The following WDR53 variants were observed in gnomAD, a reference collection of about 807,000 sequenced individuals.
The protein encoded by WDR53 is WD repeat domain 53, also known as WD repeat-containing protein 53.
WDR53 carries 19 observed loss-of-function variants against 21.3 expected under a neutral mutation model. The observed-to-expected ratio is 0.89, with a 90% confidence interval of 0.62 to 1.31. WDR53 has a LOEUF of 1.31. Among genes scored for constraint, WDR53 ranks in the 50% most tolerant of loss-of-function variants. The pLI is 0.00. For missense variants in WDR53, 374 were observed against 423.2 expected (o/e 0.88, Z 1.02); for synonymous variants, 157 against 163.4 (o/e 0.96, Z 0.30).
chr3:196,561,267 G>A lies in WDR53; in HGVS notation c.209C>T (p.Ser70Leu), dbSNP rs760512865. The A allele has an allele frequency of 1.2e-6, 2 of 1,614,210 alleles. No homozygotes were observed. The highest frequency in any genetic ancestry group is 1.7e-6 in the Non-Finnish European group (2 of 1,180,048). Residue 70 changes from serine to leucine, a missense_variant, in exon 3 of 4, where the codon TCA (serine) becomes TTA (leucine). Transcript: ENST00000332629. ...CAGTACACTAATGGTTTCTCCATGT[G>A]AGGCATAGAGCTTGGTGGGACAGGA... is the stretch of plus-strand genomic sequence containing the variant. Reference protein sequence around the residue: ...SPSCPTKLYASHGETISVLDV... With the variant: ...SPSCPTKLYALHGETISVLDV...
At chr3:196,567,628 T>C (rs1295978266) in intron 1 of WDR53, among the ~76,000 whole-genome samples, 1 of 152,188 alleles carries the variant, frequency 6.6e-6, no homozygotes, top group Non-Finnish European at 1.5e-5. Context: ...ATACAGTGCC[T>C]GGTTCACACC....
chr3:196,555,215 T>C (rs7374776), intron 3 of WDR53, among the ~76,000 whole-genome samples: 132,764 of 152,238 alleles, frequency 0.87, 58,345 homozygotes, highest in East Asian at 0.98. Context: ...TGGACTATCA[T>C]TGAAATGCTT....
chr3:196,565,556 G>C (rs1286969949), intron 2 of WDR53, among the ~76,000 whole-genome samples: 1 of 148,246 alleles, frequency 6.7e-6, no homozygotes, highest in Non-Finnish European at 1.5e-5. Flanking sequence ...TGAGAGTCGG[G>C]GTGAGGGGGC....
Position 196,567,006 on chromosome 3 carries a change from A to G in WDR53, c.-146T>C, listed in dbSNP as rs1577585572. 1 of 335,556 alleles carries G rather than the reference A, an allele frequency of 3.0e-6. No individual in the cohort carries two copies. Among genetic ancestry groups the G allele is most frequent in the Non-Finnish European group, 6.0e-6 (1 of 166,950 alleles). The allele number at this position is 335,556 out of a possible 1,614,324, so 20.8% of individuals were successfully genotyped here. On this transcript the variant is annotated 5_prime_UTR_variant, in exon 2 of 4. Coordinates refer to ENST00000332629, the MANE Select transcript of WDR53 (RefSeq NM_182627.3). ...TCTGCCTCGGCTGCACTGAGACACG[A>G]TAAAGGCCAGTCTTTAAAAACTGAG...
chr3:196,560,887 A>C, intron 3 of WDR53, 109 bp downstream of exon 3: 1 of 1,339,280 alleles, frequency 7.5e-7, no homozygotes, highest in Non-Finnish European at 1.0e-6. Context: ...ATAAATGGAT[A>C]TGTTAGTAGA....
intron 2 of WDR53, among the ~76,000 whole-genome samples, chr3:196,564,018 CTT>C (rs1433572562): frequency 2.0e-5 from 3 of 151,956 alleles, no homozygotes; most frequent in Non-Finnish European, 2.9e-5. Context: ...CAAAATTAAA[CTT>C]TTGTTTTCAA....
intron 3 of WDR53, among the ~76,000 whole-genome samples, chr3:196,558,120 A>G (rs1256850697): frequency 7.9e-5 from 12 of 152,062 alleles, no homozygotes; most frequent in Non-Finnish European, 4.4e-5. Flanking sequence ...ATTACTTTGT[A>G]CCTATTAAAT....
intron 3 of WDR53, 31 bp from the exon 4 acceptor site, chr3:196,554,838 C>T (rs1734190034): frequency 6.4e-7 from 1 of 1,563,356 alleles, no homozygotes; most frequent in African/African-American, 1.4e-5. Flanking sequence ...CACAGTCATA[C>T]AAAATGCTAG....
intron 2 of WDR53, among the ~76,000 whole-genome samples, chr3:196,561,914 G>A (rs893000867): frequency 2.6e-5 from 4 of 152,164 alleles, no homozygotes; most frequent in Non-Finnish European, 5.9e-5. Flanking sequence ...CAGTAGCTAG[G>A]GGACTGGGCA....
chr3:196,557,079 A>C (rs1271830509), intron 3 of WDR53, among the ~76,000 whole-genome samples: 3 of 116,664 alleles, frequency 2.6e-5, no homozygotes, highest in Non-Finnish European at 5.6e-5. Context: ...TACTGAAAGA[A>C]AAGAATAAAG....
chr3:196,567,790 G>T (rs566124488), intron 1 of WDR53, among the ~76,000 whole-genome samples: 3 of 66,774 alleles, frequency 4.5e-5, no homozygotes, highest in Non-Finnish European at 9.7e-5. Context: ...TGTGTGTGAG[G>T]TAGGGGCTCA....
At chr3:196,562,766 G>A (rs966881971) in intron 2 of WDR53, among the ~76,000 whole-genome samples, 1 of 152,080 alleles carries the variant, frequency 6.6e-6, no homozygotes, top group African/African-American at 2.4e-5. Flanking sequence ...TAATAAAACC[G>A]AGTCTCAGAA....
At chr3:196,564,000 A>AC (rs756638942) in intron 2 of WDR53, among the ~76,000 whole-genome samples, 108 of 152,352 alleles carry the variant, frequency 7.1e-4, no homozygotes, top group Non-Finnish European at 8.7e-4. Context: ...AAATAACAAA[A>AC]TAAAAAACAA....
In WDR53 at chr3:196,561,335, C is replaced by A; in HGVS notation, c.141G>T (p.Arg47=). The A allele has an allele frequency of 6.2e-7, 1 of 1,614,120 alleles. No homozygotes were observed. Residue 47 remains arginine, a synonymous_variant, in exon 3 of 4, where the codon CGG becomes CGT. Transcript: ENST00000332629. ...TGGTAACATCATCAGCCCCTTGGAA[C>A]CGCGTGTGTCCTAATGGAGTTCCAT... ...GEDGTPLGHT[R]FQGADDVTSV...
chr3:196,561,053 TGAG>T lies in WDR53; in HGVS notation c.420_422del (p.Ser141del). 6.2e-7 allele frequency: 1 copy of T among 1,614,236 alleles called. No individual in the cohort carries two copies. Among genetic ancestry groups the T allele is most frequent in the South Asian group, 1.1e-5 (1 of 91,084 alleles). On this transcript the variant is annotated inframe_deletion, in exon 3 of 4. Transcript: ENST00000332629. ...GAGGCCTCTGAGGCCGAAAAGCCAC[TGAG>T]GAGCAGATATTGGAATGTCTCTTCA...
Position 196,563,914 on chromosome 3 carries a change from CA to C in WDR53, c.-16-2424del, listed in dbSNP as rs546841278. On this transcript the variant is annotated intron_variant, in intron 2 of 3. Coordinates refer to ENST00000332629, the MANE Select transcript of WDR53 (RefSeq NM_182627.3). Reference sequence around the variant, plus strand: ...ACACATACGATCACTAATTAGACTGCAAAAAAATCACTGATCTATTAGTAAT... The same window carrying C: ...ACACATACGATCACTAATTAGACTGCAAAAAATCACTGATCTATTAGTAAT... Among the ~76,000 whole-genome samples the C allele has an allele frequency of 1.9e-3, 285 of 152,056 alleles. 2 individuals are homozygous for C. Among genetic ancestry groups the C allele is most frequent in the African/African-American group, 6.6e-3 (275 of 41,472 alleles).
chr3:196,554,883 T>C (rs1734193961), intron 3 of WDR53, 76 bp from the exon 4 acceptor site: 5 of 1,250,640 alleles, frequency 4.0e-6, no homozygotes, highest in Middle Eastern at 2.0e-4. Context: ...ATTCAGCTTC[T>C]AATAAAATCG....
Position 196,554,502 on chromosome 3 carries a change from A to G in WDR53, c.786T>C (p.Asp262=), listed in dbSNP as rs1344697297. 6.2e-7 allele frequency: 1 copy of G among 1,614,106 alleles called. No individual in the cohort carries two copies. The highest frequency in any genetic ancestry group is 1.1e-5 in the South Asian group (1 of 91,080). The part of the protein sequence containing the change: ...ESYLLLTGGN[D]GKITLWDANS... The stretch of plus-strand genomic sequence containing the variant: ...TTGCATCCCACAACGTGATCTTCCC[A>G]TCATTCCCTCCAGTAAGCAGCAAAT... Residue 262 remains aspartate (D), a synonymous_variant, in exon 4 of 4, where the codon GAT becomes GAC. Transcript: ENST00000332629.
At chr3:196,556,484 A>C (rs2108682842) in intron 3 of WDR53, among the ~76,000 whole-genome samples, 1 of 152,010 alleles carries the variant, frequency 6.6e-6, no homozygotes, top group South Asian at 2.1e-4. Context: ...GTGAAACTGC[A>C]TCTCTACTAA....
Sources: gnomAD v4.1 joint callset for allele counts (sites outside exome capture counted in the v4.1 genomes callset) on GRCh38, gnomAD v4.1.1 for gene constraint, MANE v1.5 for transcripts, NCBI Gene and HGNC (gene_info 2026-07-23, HGNC 2026-07-21) for gene names.